The following TRIM9 variants were observed in gnomAD, a reference collection of about 807,000 sequenced individuals.
The protein encoded by TRIM9 is tripartite motif containing 9.
TRIM9 carries 26 observed loss-of-function variants against 78.3 expected under a neutral mutation model. The ratio of observed to expected loss-of-function variants is 0.33; its 90% CI spans 0.24 to 0.46. The LOEUF (loss-of-function observed/expected upper bound fraction) is 0.46. TRIM9 is among the 20% of genes least tolerant of loss of function. The probability of loss-of-function intolerance (pLI) is 1.00; values close to 1 mark genes in which losing one functional copy is unlikely to be tolerated. For missense variants in TRIM9, 787 were observed against 1,036.4 expected, an observed-to-expected ratio of 0.76 and a Z score of 3.30; for synonymous variants, 398 against 416.5, an observed-to-expected ratio of 0.96 and a Z score of 0.54.
chr14:51,091,664 T>G (rs1258958264), intron 1 of TRIM9, among the ~76,000 whole-genome samples: 1 of 152,242 alleles, frequency 6.6e-6, no homozygotes, highest in Non-Finnish European at 1.5e-5. Flanking sequence ...TCTGTCATCC[T>G]TCTGTCTTAT....
intron 1 of TRIM9, among the ~76,000 whole-genome samples, chr14:51,064,761 G>T (rs1443794709): frequency 6.6e-6 from 1 of 151,984 alleles, no homozygotes; most frequent in African/African-American, 2.4e-5. Flanking sequence ...CTAGATTTTA[G>T]AAAGGCCAAA....
At chr14:50,977,449 CT>C in intron 12 of TRIM9, 96 bp from the exon 13 acceptor site, 1 of 956,468 alleles carries the variant, frequency 1.0e-6, no homozygotes, top group Non-Finnish European at 1.4e-6. Context: ...AAAAAGTGTT[CT>C]GTTTGCTTCG....
intron 1 of TRIM9, among the ~76,000 whole-genome samples, chr14:51,055,531 G>A (rs556522337): frequency 6.6e-6 from 1 of 152,372 alleles, no homozygotes; most frequent in African/African-American, 2.4e-5. Flanking sequence ...GCAGAAGAGA[G>A]TCAGGAGGGG....
Position 50,975,573 on chromosome 14 carries a change from A to G in TRIM9, c.*1718T>C, listed in dbSNP as rs78551501. The stretch of plus-strand genomic sequence containing the variant: ...CCCATTCCATAAATTAGGTACACTT[A>G]ACTAGAAAAAGATTGTAACTGATAG... On this transcript the variant is annotated 3_prime_UTR_variant, in exon 13 of 13. Transcript: ENST00000684578. The G allele has an allele frequency of 6.6e-6, 1 of 152,666 alleles. No homozygotes were observed. Among genetic ancestry groups the G allele is most frequent in the African/African-American group, 2.4e-5 (1 of 41,460 alleles). 9.5% of individuals were successfully genotyped at this position (152,666 alleles called of 1,614,324 possible).
intron 1 of TRIM9, among the ~76,000 whole-genome samples, chr14:51,035,181 C>T (rs1035081636): frequency 1.6e-4 from 24 of 152,140 alleles, no homozygotes; most frequent in African/African-American, 5.6e-4. Context: ...CAAGGCTATT[C>T]GTAGTGTATT....
intron 7 of TRIM9, among the ~76,000 whole-genome samples, chr14:50,991,823 G>A (rs150565779): frequency 1.6e-4 from 25 of 152,224 alleles, no homozygotes; most frequent in African/African-American, 5.5e-4. Flanking sequence ...AGAGGCTAAG[G>A]GACATATCCA....
At chr14:50,996,708 T>G in intron 7 of TRIM9, 2 of 985,458 alleles carry the variant, frequency 2.0e-6, no homozygotes, top group Non-Finnish European at 2.4e-6. Context: ...AAGAGGCAAC[T>G]GCTCTCAAAC....
At chr14:51,008,236 A>G (rs1433928063) in intron 5 of TRIM9, among the ~76,000 whole-genome samples, 1 of 152,212 alleles carries the variant, frequency 6.6e-6, no homozygotes, top group African/African-American at 2.4e-5. Flanking sequence ...GAATCTGTAC[A>G]TAGGATAAGA....
chr14:50,993,752 T>C (rs2053840985), intron 7 of TRIM9, among the ~76,000 whole-genome samples: 1 of 152,158 alleles, frequency 6.6e-6, no homozygotes, highest in South Asian at 2.1e-4. Context: ...GTTTTCCCTC[T>C]CTTTCTTTCC....
At position 51,029,924 on chromosome 14, in the gene TRIM9, A is replaced by G. The variant is rs541601747; in HGVS notation, c.823-4564T>C. On this transcript the variant is annotated intron_variant, in intron 1 of 12. Coordinates refer to ENST00000684578, the MANE Select transcript of TRIM9 (RefSeq NM_001387360.1). ...AAACAATTGTTTAATTGTTTAATCC[A>G]CGGTGAGAGCATGTACAACCAGAGA... Among the ~76,000 whole-genome samples the G allele has an allele frequency of 2.6e-5, 4 of 152,354 alleles. No homozygotes were observed. In the South Asian group the frequency reaches 8.3e-4, roughly 32 times the overall value.
intron 3 of TRIM9, among the ~76,000 whole-genome samples, chr14:51,022,594 C>T (rs184772238): frequency 1.2e-4 from 19 of 152,296 alleles, no homozygotes; most frequent in Middle Eastern, 3.4e-3. Context: ...CTTTATTATT[C>T]CTATGTCCAT....
At chr14:51,088,133 T>G (rs1010447589) in intron 1 of TRIM9, among the ~76,000 whole-genome samples, 1 of 152,250 alleles carries the variant, frequency 6.6e-6, no homozygotes, top group Non-Finnish European at 1.5e-5. Context: ...ATGCAAGATT[T>G]AAGATTTAAG....
intron 5 of TRIM9, among the ~76,000 whole-genome samples, chr14:51,006,324 G>C (rs1226818362): frequency 2.0e-5 from 3 of 152,112 alleles, no homozygotes; most frequent in Non-Finnish European, 4.4e-5. Context: ...ATTTTTTACT[G>C]ACAAGTTGTG....
chr14:51,077,886 C>T (rs2062946709), intron 1 of TRIM9, among the ~76,000 whole-genome samples: 1 of 152,218 alleles, frequency 6.6e-6, no homozygotes, highest in African/African-American at 2.4e-5. Flanking sequence ...ACAATAGTCA[C>T]ACACCATTAT....
chr14:50,997,176 C>A, intron 7 of TRIM9: 1 of 985,374 alleles, frequency 1.0e-6, no homozygotes, highest in Non-Finnish European at 1.2e-6. Context: ...CAAATACCTC[C>A]TTGTAGGTTT....
chr14:50,990,125 C>T (rs2053302828), intron 7 of TRIM9, among the ~76,000 whole-genome samples: 1 of 152,122 alleles, frequency 6.6e-6, no homozygotes, highest in African/African-American at 2.4e-5. Context: ...TCAAGGGATC[C>T]TCCTCCCTCA....
chr14:50,995,266 C>CT (rs2054056176), intron 7 of TRIM9, among the ~76,000 whole-genome samples: 1 of 152,086 alleles, frequency 6.6e-6, no homozygotes, highest in African/African-American at 2.4e-5. Flanking sequence ...TCCCTTTTCC[C>CT]TGTTTTTCAG....
intron 10 of TRIM9, 130 bp downstream of exon 10, chr14:50,982,812 C>T: frequency 1.2e-6 from 1 of 851,396 alleles, no homozygotes; most frequent in Non-Finnish European, 1.8e-6. Context: ...CATTGTTACG[C>T]CCCAAGTTCT....
chr14:51,015,306 A>T (rs1181264385), intron 3 of TRIM9, among the ~76,000 whole-genome samples: 2 of 152,014 alleles, frequency 1.3e-5, no homozygotes, highest in Non-Finnish European at 2.9e-5. Flanking sequence ...TCACTAACAG[A>T]CCAATCTCCT....
Sources: gnomAD v4.1 joint callset for allele counts (sites outside exome capture counted in the v4.1 genomes callset) on GRCh38, gnomAD v4.1.1 for gene constraint, MANE v1.5 for transcripts, NCBI Gene and HGNC (gene_info 2026-07-23, HGNC 2026-07-21) for gene names.